RAI1: variants seen among roughly 807,000 people sequenced by gnomAD.
RAI1 encodes retinoic acid-induced protein 1.
Under a neutral mutation model 123.8 loss-of-function variants are expected in RAI1, and 9 were observed. That is an observed-to-expected ratio of 0.07 (90% CI 0.04 to 0.13). The LOEUF (loss-of-function observed/expected upper bound fraction) is 0.13, where lower values mean the gene tolerates loss of function less well. Among genes scored for constraint, RAI1 ranks in the 10% least tolerant of loss-of-function variants. RAI1 has a pLI of 1.00. For missense variants in RAI1, 2,256 were observed against 2,545.8 expected (o/e 0.89, Z 2.45); for synonymous variants, 1,231 against 1,127.3 (o/e 1.09, Z -1.84).
intron 2 of RAI1, among the ~76,000 whole-genome samples, chr17:17,737,692 T>C (rs1029643844): frequency 7.9e-5 from 12 of 151,884 alleles, no homozygotes; most frequent in African/African-American, 2.9e-4. Flanking sequence ...TACCTGAGGG[T>C]GGCCTTATTG....
chr17:17,750,689 CAAAAAAAAAAA>C (rs57637022), intron 2 of RAI1, among the ~76,000 whole-genome samples: 5 of 79,752 alleles, frequency 6.3e-5, no homozygotes, highest in East Asian at 4.9e-4. Context: ...TACTCCGTCT[CAAAAAAAAAAA>C]AAAAAAAAAA....
intron 1 of RAI1, among the ~76,000 whole-genome samples, chr17:17,686,063 C>T (rs1162672052): frequency 6.6e-6 from 1 of 152,266 alleles, no homozygotes; most frequent in East Asian, 1.9e-4. Flanking sequence ...CTGCCAGTGT[C>T]TGTCCTCCCC....
intron 2 of RAI1, among the ~76,000 whole-genome samples, chr17:17,740,220 T>C (rs1453318937): frequency 6.6e-6 from 1 of 152,178 alleles, no homozygotes; most frequent in Non-Finnish European, 1.5e-5. Context: ...GTGCAGCCTC[T>C]AGGGGTCCTG....
chr17:17,797,136 T>C lies in RAI1; in HGVS notation c.4188T>C (p.Ala1396=). ...GTGQKLPTSG[A]DPLCRNPTNR... Reference sequence around the variant, plus strand: ...GGCAGAAGCTCCCAACTTCTGGGGCTGATCCGTTATGCAGAAATCCAACCA... The same window carrying C: ...GGCAGAAGCTCCCAACTTCTGGGGCCGATCCGTTATGCAGAAATCCAACCA... Residue 1396 remains alanine, a synonymous_variant, in exon 3 of 6, where the codon GCT becomes GCC. Coordinates refer to ENST00000353383, the MANE Select transcript of RAI1 (RefSeq NM_030665.4). The C allele has an allele frequency of 6.2e-7, 1 of 1,614,014 alleles. No individual in the cohort carries two copies. Among genetic ancestry groups the C allele is most frequent in the Non-Finnish European group, 8.5e-7 (1 of 1,180,030 alleles).
chr17:17,697,242 C>T (rs539811163), intron 1 of RAI1, among the ~76,000 whole-genome samples: 4 of 152,360 alleles, frequency 2.6e-5, no homozygotes, highest in African/African-American at 9.6e-5. Context: ...CAAGAGGATG[C>T]AGGGCCCTGT....
intron 3 of RAI1, among the ~76,000 whole-genome samples, chr17:17,803,155 C>T (rs2032515101): frequency 6.6e-6 from 1 of 150,618 alleles, no homozygotes; most frequent in Non-Finnish European, 1.5e-5. Flanking sequence ...ACACCAGAAG[C>T]ATGCAGCAGA....
rs756301729 is a variant in RAI1 at position 17,714,198 on chromosome 17, C to G, written c.-148-9830C>G. 6.6e-6 allele frequency among the ~76,000 whole-genome samples: 1 copy of G among 152,158 alleles called. No individual in the cohort carries two copies. Among genetic ancestry groups the G allele is most frequent in the Non-Finnish European group, 1.5e-5 (1 of 68,032 alleles). ...TGTCTTCCTGTTGCTTCCTCAGCTC[C>G]CTCTCTGAACCCCAGTTTCTGGGTC... On this transcript the variant is annotated intron_variant, in intron 1 of 5. Transcript: ENST00000353383. This position sits in a 1 kb window ranked among gnomAD's most constrained non-coding sequence, Gnocchi z 4.9.
chr17:17,720,399 T>C (rs1387315061), intron 1 of RAI1, among the ~76,000 whole-genome samples: 2 of 151,920 alleles, frequency 1.3e-5, no homozygotes, highest in African/African-American at 4.8e-5. Flanking sequence ...AGACTCTTGG[T>C]GAAAGGTGAA....
At position 17,800,275 on chromosome 17, in the gene RAI1, C is replaced by T. The variant is rs964251405; in HGVS notation, c.5565+1762C>T. On this transcript the variant is annotated intron_variant, in intron 3 of 5. Coordinates refer to ENST00000353383, the MANE Select transcript of RAI1 (RefSeq NM_030665.4). The surrounding 1 kb of genome is among the most constrained non-coding windows in gnomAD (Gnocchi z 4.7). ...CCTTGAAACAGGTTCAAGTCTCTCC[C>T]GTCATCAAAAAATAATAACCCTCAG... 5.8e-4 allele frequency among the ~76,000 whole-genome samples: 87 copies of T among 150,374 alleles called. No individual in the cohort carries two copies. The highest frequency in any genetic ancestry group is 1.9e-3 in the African/African-American group (78 of 40,892).
intron 1 of RAI1, among the ~76,000 whole-genome samples, chr17:17,690,658 T>C (rs957764747): frequency 6.6e-6 from 1 of 152,306 alleles, no homozygotes; most frequent in South Asian, 2.1e-4. Flanking sequence ...TTAGTAAATA[T>C]TGTGCCTATT....
chr17:17,748,665 A>T (rs560942764), intron 2 of RAI1, among the ~76,000 whole-genome samples: 1 of 151,946 alleles, frequency 6.6e-6, no homozygotes, highest in African/African-American at 2.4e-5. Context: ...GTGTAGGAGG[A>T]TGGGAGCCGA....
At chr17:17,682,554 C>T in intron 1 of RAI1, 1 of 152,186 alleles carries the variant, frequency 6.6e-6, no homozygotes, top group Non-Finnish European at 1.5e-5. Flanking sequence ...CCCTCTCACG[C>T]GCCTTGAAGG....
intron 1 of RAI1, among the ~76,000 whole-genome samples, chr17:17,722,349 CG>C (rs1435971402): frequency 2.0e-5 from 3 of 152,168 alleles, no homozygotes; most frequent in African/African-American, 7.2e-5. Flanking sequence ...ATCACAGCCC[CG>C]GGGCTCGGCG....
rs529575910 is a variant in RAI1 at position 17,768,546 on chromosome 17, C to T, written c.-16-24387C>T. Among the ~76,000 whole-genome samples the T allele has an allele frequency of 4.6e-5, 7 of 152,330 alleles. No individual in the cohort carries two copies. The South Asian group carries it at 1.2e-3, about 27-fold the overall frequency. Reference sequence around the variant, plus strand: ...GGCCAGGTGGCTTGCCCAGTTTACACGCCAGACATAGGGCCAGGCAGTGCT... The same window carrying T: ...GGCCAGGTGGCTTGCCCAGTTTACATGCCAGACATAGGGCCAGGCAGTGCT... On this transcript the variant is annotated intron_variant, in intron 2 of 5. Coordinates refer to ENST00000353383, the MANE Select transcript of RAI1 (RefSeq NM_030665.4).
At chr17:17,718,064 G>A (rs1915766194) in intron 1 of RAI1, among the ~76,000 whole-genome samples, 1 of 152,124 alleles carries the variant, frequency 6.6e-6, no homozygotes. Flanking sequence ...CTCGGTCTTG[G>A]CCCAGCACCA....
chr17:17,773,266 C>G (rs2031229007), intron 2 of RAI1, among the ~76,000 whole-genome samples: 1 of 152,132 alleles, frequency 6.6e-6, no homozygotes, highest in African/African-American at 2.4e-5. Context: ...GCTCCTGTGC[C>G]CAGCGTGGAG....
chr17:17,807,370 C>T (rs1047911215), intron 4 of RAI1, among the ~76,000 whole-genome samples: 8 of 152,170 alleles, frequency 5.3e-5, no homozygotes, highest in African/African-American at 1.7e-4. Context: ...TGCAGGGCAC[C>T]AGGGCTGCCC....
In RAI1 at chr17:17,797,496, C is replaced by T. The variant is rs370641451; in HGVS notation, c.4548C>T (p.Cys1516=). The change falls in exon 3 of 6, where the codon TGC becomes TGT. Residue 1516 remains cysteine (C), a synonymous_variant. Coordinates refer to ENST00000353383, the MANE Select transcript of RAI1 (RefSeq NM_030665.4). ...CCCAGCCCCCGGAGGGCAGGCCCTGCCAGCCCCAGACAAGGGCACAGAAAC... is the reference window on the plus strand; with the variant it reads ...CCCAGCCCCCGGAGGGCAGGCCCTGTCAGCCCCAGACAAGGGCACAGAAAC... ...LASQPPEGRP[C]QPQTRAQKQP... 3.7e-5 allele frequency: 60 copies of T among 1,613,168 alleles called. No homozygotes were observed. The highest frequency in any genetic ancestry group is 4.9e-5 in the Non-Finnish European group (58 of 1,179,742).
chr17:17,708,546 C>A (rs1341083019), intron 1 of RAI1, among the ~76,000 whole-genome samples: 1 of 152,162 alleles, frequency 6.6e-6, no homozygotes, highest in Non-Finnish European at 1.5e-5. Context: ...GTAGCTGGAA[C>A]TACAGGTGTG....
Sources: gnomAD v4.1 joint callset for allele counts (sites outside exome capture counted in the v4.1 genomes callset) on GRCh38, gnomAD v4.1.1 for gene constraint, Gnocchi (gnomAD v3.1) non-coding constraint, MANE v1.5 for transcripts, NCBI Gene and HGNC (gene_info 2026-07-23, HGNC 2026-07-21) for gene names.